The following PTPRM variants were observed in gnomAD, a reference collection of about 807,000 sequenced individuals.
The protein encoded by PTPRM is protein tyrosine phosphatase receptor type M.
In PTPRM, 47 loss-of-function variants were observed where a neutral mutation model predicts 186.7. That is an observed-to-expected ratio of 0.25 (90% CI 0.20 to 0.32). PTPRM has a LOEUF of 0.32. Among genes scored for constraint, PTPRM ranks in the 10% least tolerant of loss-of-function variants. The pLI is 1.00. For synonymous variants in PTPRM, 668 were observed against 674.9 expected (o/e 0.99, Z 0.16); for missense variants, 1,494 against 1,865.0 (o/e 0.80, Z 3.66).
At chr18:8,017,381 A>G (rs994848502) in intron 7 of PTPRM, among the ~76,000 whole-genome samples, 1 of 152,032 alleles carries the variant, frequency 6.6e-6, no homozygotes. Context: ...ATACAAAATT[A>G]TACAAAAAAC....
rs941410259 is a variant in PTPRM at position 7,815,020 on chromosome 18, T to C, written c.196+40749T>C. On this transcript the variant is annotated intron_variant, in intron 2 of 32. Coordinates refer to ENST00000580170, the MANE Select transcript of PTPRM (RefSeq NM_001105244.2). ...AATCTTGAGAAAGTTACATTTATCTTATCTGAGTTCCTTTTTCAGGAAACC... is the reference window on the plus strand; with the variant it reads ...AATCTTGAGAAAGTTACATTTATCTCATCTGAGTTCCTTTTTCAGGAAACC... The C allele has an allele frequency of 2.6e-5, 4 of 152,242 alleles. No homozygotes were observed. In the East Asian group the frequency reaches 7.7e-4, roughly 29 times the overall value. The allele number at this position is 152,242 out of a possible 1,614,324, so 9.4% of individuals were successfully genotyped here.
chr18:7,603,761 C>A (rs2037463345), intron 1 of PTPRM, among the ~76,000 whole-genome samples: 1 of 152,230 alleles, frequency 6.6e-6, no homozygotes, highest in Admixed American at 6.5e-5. Flanking sequence ...TGCTGTGGAA[C>A]ACACAGCAGC....
chr18:8,039,006 A>G (rs16952773), intron 7 of PTPRM, among the ~76,000 whole-genome samples: 4,773 of 152,230 alleles, frequency 0.031, 226 homozygotes, highest in African/African-American at 0.11. Flanking sequence ...GAATTATATT[A>G]GAGAAAACCT....
chr18:8,070,658 A>G (rs1422290916), intron 8 of PTPRM, among the ~76,000 whole-genome samples: 1 of 152,190 alleles, frequency 6.6e-6, no homozygotes, highest in Non-Finnish European at 1.5e-5. Flanking sequence ...TTGAATCTCA[A>G]TGCGTGGATA....
At chr18:7,625,681 C>T (rs2038043579) in intron 1 of PTPRM, among the ~76,000 whole-genome samples, 1 of 137,184 alleles carries the variant, frequency 7.3e-6, no homozygotes, top group Admixed American at 7.1e-5. Flanking sequence ...ATTACAGGCA[C>T]CTGCCATGAT....
At chr18:8,399,684 T>C (rs1192282509) in intron 32 of PTPRM, 2 of 152,200 alleles carry the variant, frequency 1.3e-5, no homozygotes, top group African/African-American at 4.8e-5. Flanking sequence ...GTTTCGTCAT[T>C]CGTGCAAGCC....
intron 5 of PTPRM, among the ~76,000 whole-genome samples, chr18:7,938,586 A>G (rs1162092038): frequency 6.6e-6 from 1 of 152,176 alleles, no homozygotes; most frequent in Non-Finnish European, 1.5e-5. Context: ...TGATTTTAAG[A>G]CCACAGAACT....
chr18:7,810,748 T>G (rs959978773), intron 2 of PTPRM, among the ~76,000 whole-genome samples: 6 of 152,180 alleles, frequency 3.9e-5, no homozygotes, highest in Non-Finnish European at 7.3e-5. Flanking sequence ...CTTTATAAAC[T>G]GTGTTGTATT....
intron 7 of PTPRM, among the ~76,000 whole-genome samples, chr18:7,976,190 G>GA (rs2054925079): frequency 6.6e-6 from 1 of 151,798 alleles, no homozygotes; most frequent in South Asian, 2.1e-4. Flanking sequence ...AATAAAAAAT[G>GA]AAAAAAAGAA....
At chr18:7,707,885 T>A (rs74610336) in intron 1 of PTPRM, among the ~76,000 whole-genome samples, 2,838 of 152,238 alleles carry the variant, frequency 0.019, 80 homozygotes, top group East Asian at 0.1. Context: ...TAGTGGGTGA[T>A]CTTCAAAGTC....
At chr18:8,138,010 G>A (rs953991460) in intron 13 of PTPRM, among the ~76,000 whole-genome samples, 1 of 152,160 alleles carries the variant, frequency 6.6e-6, no homozygotes, top group Non-Finnish European at 1.5e-5. Context: ...TACTAAATAA[G>A]GGGCTGCTAA....
intron 14 of PTPRM, among the ~76,000 whole-genome samples, chr18:8,233,992 A>G (rs2094316575): frequency 6.6e-6 from 1 of 152,004 alleles, no homozygotes; most frequent in Admixed American, 6.5e-5. Flanking sequence ...TTTGTCTCTT[A>G]TTTCACCAAT....
intron 1 of PTPRM, among the ~76,000 whole-genome samples, chr18:7,577,783 T>A (rs2036727177): frequency 6.6e-6 from 1 of 152,130 alleles, no homozygotes; most frequent in Admixed American, 6.5e-5. Context: ...TGTGTGTGTG[T>A]GAGGGAGGTT....
chr18:8,251,476 A>G lies in PTPRM; in HGVS notation c.2555-1012A>G, dbSNP rs563131104. 6.6e-5 allele frequency: 10 copies of G among 152,344 alleles called. No homozygotes were observed. In the East Asian group the frequency reaches 1.9e-3, roughly 29 times the overall value. 9.4% of individuals were successfully genotyped at this position (152,344 alleles called of 1,614,324 possible). On this transcript the variant is annotated intron_variant, in intron 17 of 32. Transcript: ENST00000580170. ...TGGCAGTTGCCAGCAAGCAAATCTG[A>G]TGTGAAAATTTCCAGGTTTATTTGT...
At chr18:7,721,134 T>C (rs1227338248) in intron 1 of PTPRM, among the ~76,000 whole-genome samples, 1 of 126,404 alleles carries the variant, frequency 7.9e-6, no homozygotes. Flanking sequence ...TCAACACTTA[T>C]TATTTTCTTT....
intron 1 of PTPRM, among the ~76,000 whole-genome samples, chr18:7,642,310 A>G (rs186959532): frequency 7.2e-5 from 11 of 152,234 alleles, no homozygotes; most frequent in Admixed American, 5.2e-4. Context: ...CCAGAGAACT[A>G]TTTGTTCTCT....
chr18:7,728,315 C>T (rs1222243706), intron 1 of PTPRM, among the ~76,000 whole-genome samples: 1 of 152,138 alleles, frequency 6.6e-6, no homozygotes, highest in African/African-American at 2.4e-5. Context: ...AGCACATGGA[C>T]ACATTGAAGG....
At chr18:8,367,483 C>T (rs1335276959) in intron 23 of PTPRM, among the ~76,000 whole-genome samples, 1 of 152,264 alleles carries the variant, frequency 6.6e-6, no homozygotes, top group Admixed American at 6.5e-5. Context: ...TTTCATTGTT[C>T]CCTCGCTTCG....
At chr18:8,162,999 C>T (rs984973428) in intron 14 of PTPRM, among the ~76,000 whole-genome samples, 8 of 152,212 alleles carry the variant, frequency 5.3e-5, no homozygotes, top group African/African-American at 1.7e-4. Context: ...ACACACCTGC[C>T]CTCAGCCAGC....
Sources: gnomAD v4.1 joint callset for allele counts (sites outside exome capture counted in the v4.1 genomes callset) on GRCh38, gnomAD v4.1.1 for gene constraint, MANE v1.5 for transcripts, NCBI Gene and HGNC (gene_info 2026-07-23, HGNC 2026-07-21) for gene names.